The following PTP4A3 variants were observed in gnomAD, a reference collection of about 807,000 sequenced individuals.
PTP4A3 encodes protein tyrosine phosphatase 4A3, also known as protein tyrosine phosphatase type IVA 3.
PTP4A3 carries 9 observed loss-of-function variants against 15.2 expected under a neutral mutation model. The ratio of observed to expected loss-of-function variants is 0.59; its 90% CI spans 0.36 to 1.03. PTP4A3 has a LOEUF of 1.03. PTP4A3 is among the 50% of genes least tolerant of loss of function. The pLI is 0.02. For synonymous variants in PTP4A3, 95 were observed against 102.0 expected (o/e 0.93, Z 0.41); for missense variants, 234 against 252.1 (o/e 0.93, Z 0.49).
chr8:141,427,304 T>A (rs1359454103), intron 4 of PTP4A3, among the ~76,000 whole-genome samples: 1 of 152,110 alleles, frequency 6.6e-6, no homozygotes, highest in Non-Finnish European at 1.5e-5. Context: ...TCCTGACATC[T>A]TGTGTAGGAA....
At chr8:141,399,015 T>A in intron 1 of PTP4A3, among the ~76,000 whole-genome samples, 1 of 149,386 alleles carries the variant, frequency 6.7e-6, no homozygotes, top group East Asian at 2.0e-4. Context: ...CCGGCTGCTC[T>A]CCTGGCCCTG....
At chr8:141,407,237 G>T (rs1257458943) in intron 1 of PTP4A3, among the ~76,000 whole-genome samples, 1 of 152,196 alleles carries the variant, frequency 6.6e-6, no homozygotes, top group Non-Finnish European at 1.5e-5. Flanking sequence ...TCCCTCTCCT[G>T]CCCTCTCCAT....
Position 141,430,955 on chromosome 8 carries a change from C to G in PTP4A3, c.433C>G (p.Gln145Glu). Reference sequence around the variant, plus strand: ...GCGCCGCGGAGCCATCAACAGCAAGCAGCTCACCTACCTGGAGAAATACCG... The same window carrying G: ...GCGCCGCGGAGCCATCAACAGCAAGGAGCTCACCTACCTGGAGAAATACCG... Reference protein sequence around the residue: ...QKRRGAINSKQLTYLEKYRPK... With the variant: ...QKRRGAINSKELTYLEKYRPK... The change falls in exon 6 of 6, where the codon CAG (glutamine) becomes GAG (glutamate). Residue 145 changes from glutamine to glutamate, a missense_variant. Gln to Glu is a conservative substitution (Grantham distance 29, BLOSUM62 2). Transcript: ENST00000521578. The G allele has an allele frequency of 6.2e-7, 1 of 1,613,330 alleles. No homozygotes were observed.
At position 141,425,860 on chromosome 8, in the gene PTP4A3, T is replaced by TG. The variant is rs964385593; in HGVS notation, c.198+724dup. ...TGGAATGGTGGCAGCGCTGGCGGTT[T>TG]GGGGTCAGACAGGCCTTGGGCTGCG... On this transcript the variant is annotated intron_variant, in intron 3 of 5. Transcript: ENST00000521578. The surrounding 1 kb of genome is among the most constrained non-coding windows in gnomAD (Gnocchi z 4.2). Among the ~76,000 whole-genome samples, 3 of 152,320 alleles carry TG rather than the reference T, an allele frequency of 2.0e-5. No homozygotes were observed. Among genetic ancestry groups the TG allele is most frequent in the African/African-American group, 7.2e-5 (3 of 41,572 alleles).
chr8:141,409,198 G>A (rs1195386940), intron 1 of PTP4A3, among the ~76,000 whole-genome samples: 2 of 152,214 alleles, frequency 1.3e-5, no homozygotes, highest in Non-Finnish European at 2.9e-5. Flanking sequence ...GGGGAGGCCT[G>A]GGAGCTGCAG....
At chr8:141,416,868 C>T (rs1228370869) in intron 1 of PTP4A3, among the ~76,000 whole-genome samples, 2 of 151,946 alleles carry the variant, frequency 1.3e-5, no homozygotes, top group African/African-American at 4.8e-5. Context: ...GAGGGGGGGT[C>T]GTGCTCTCAG....
chr8:141,409,175 C>T (rs1832803307), intron 1 of PTP4A3, among the ~76,000 whole-genome samples: 1 of 152,222 alleles, frequency 6.6e-6, no homozygotes, highest in Admixed American at 6.5e-5. Context: ...CGAGTCCTCC[C>T]TGGGCCCTGC....
chr8:141,427,434 G>A (rs760345116), intron 4 of PTP4A3, among the ~76,000 whole-genome samples: 5 of 151,480 alleles, frequency 3.3e-5, no homozygotes, highest in Non-Finnish European at 7.3e-5. Flanking sequence ...ATGACCAGTG[G>A]GACACCCCCA....
intron 1 of PTP4A3, among the ~76,000 whole-genome samples, chr8:141,411,868 G>A (rs1586547299): frequency 6.6e-6 from 1 of 151,996 alleles, no homozygotes. Context: ...AGAAGAAAAT[G>A]CAGAGAAAGT....
At chr8:141,397,262 C>G (rs180701383) in intron 1 of PTP4A3, among the ~76,000 whole-genome samples, 2 of 152,196 alleles carry the variant, frequency 1.3e-5, no homozygotes, top group Admixed American at 1.3e-4. Flanking sequence ...AGGCTGCCTG[C>G]CCATTGTACA....
chr8:141,392,891 T>G (rs535251600), intron 1 of PTP4A3, among the ~76,000 whole-genome samples: 144 of 152,292 alleles, frequency 9.5e-4, no homozygotes, highest in African/African-American at 3.4e-3. Flanking sequence ...CTGGTCACAG[T>G]GTGTGCCCGG....
rs1832733422 is a variant in PTP4A3, at chr8:141,406,684, A to G, written c.-854+14600A>G. Among the ~76,000 whole-genome samples the G allele has an allele frequency of 6.6e-6, 1 of 152,154 alleles. No homozygotes were observed. The highest frequency in any genetic ancestry group is 6.5e-5 in the Admixed American group (1 of 15,280). On this transcript the variant is annotated intron_variant, in intron 1 of 5. Transcript: ENST00000521578. This position sits in a 1 kb window ranked among gnomAD's most constrained non-coding sequence, Gnocchi z 4.5. ...GAGGTGCAAGTGGATTCTGTGTGGC[A>G]CAGAAGATGGCGAGTGGTGACGGCT...
intron 1 of PTP4A3, among the ~76,000 whole-genome samples, chr8:141,399,825 C>T (rs906849124): frequency 2.0e-5 from 3 of 152,200 alleles, no homozygotes; most frequent in East Asian, 1.9e-4. Flanking sequence ...AGGCTGGGGA[C>T]GTGCAATGGC....
At position 141,421,806 on chromosome 8, in the gene PTP4A3, G is replaced by C. The variant is rs1343818661; in HGVS notation, c.-435G>C. On this transcript the variant is annotated 5_prime_UTR_variant, in exon 2 of 6. Coordinates refer to ENST00000521578, the MANE Select transcript of PTP4A3 (RefSeq NM_032611.3). ...TGTGGAGAGGGCGCCCCCGGTGTGG[G>C]GTCCAGCTCTGGACACTGCTTGGCG... The C allele has an allele frequency of 6.2e-6, 1 of 160,716 alleles. No homozygotes were observed. The highest frequency in any genetic ancestry group is 2.4e-5 in the African/African-American group (1 of 41,590). The allele number at this position is 160,716 out of a possible 1,614,324, so 10.0% of individuals were successfully genotyped here.
rs137985343 is a variant in PTP4A3 at position 141,412,107 on chromosome 8, G to A, written c.-853-9281G>A. Among the ~76,000 whole-genome samples the A allele has an allele frequency of 4.9e-3, 739 of 152,364 alleles. 3 individuals carry two copies. The highest frequency in any genetic ancestry group is 8.3e-3 in the Non-Finnish European group (564 of 68,036). The stretch of plus-strand genomic sequence containing the variant: ...TCCATGGGACTGGACACTGGGTTCA[G>A]GGAGGGGCGTCATGGGTATATGGGG... On this transcript the variant is annotated intron_variant, in intron 1 of 5. Coordinates refer to ENST00000521578, the MANE Select transcript of PTP4A3 (RefSeq NM_032611.3).
At position 141,406,878 on chromosome 8, in the gene PTP4A3, T is replaced by C. The variant is rs1832741904; in HGVS notation, c.-853-14510T>C. ...AAGTCTTTGCCCTGTGCCCACTGTA[T>C]GTGCAAGGTCATGCAGGTTATGCTT... On this transcript the variant is annotated intron_variant, in intron 1 of 5. Coordinates refer to ENST00000521578, the MANE Select transcript of PTP4A3 (RefSeq NM_032611.3). The surrounding 1 kb of genome is among the most constrained non-coding windows in gnomAD (Gnocchi z 4.5). Among the ~76,000 whole-genome samples the C allele has an allele frequency of 1.3e-5, 2 of 152,232 alleles. No homozygotes were observed. Among genetic ancestry groups the C allele is most frequent in the South Asian group, 4.1e-4 (2 of 4,838 alleles).
Position 141,406,290 on chromosome 8 carries a change from C to T in PTP4A3, c.-854+14206C>T, listed in dbSNP as rs1290216340. On this transcript the variant is annotated intron_variant, in intron 1 of 5. Transcript: ENST00000521578. The surrounding 1 kb of genome is among the most constrained non-coding windows in gnomAD (Gnocchi z 4.5). ...TGGGGATTCCGGGGACTTTCCATTTCCTCACCTTGCACTTGATTCTGTGAT... is the reference window on the plus strand; with the variant it reads ...TGGGGATTCCGGGGACTTTCCATTTTCTCACCTTGCACTTGATTCTGTGAT... 1.3e-5 allele frequency among the ~76,000 whole-genome samples: 2 copies of T among 152,166 alleles called. No individual in the cohort carries two copies. The highest frequency in any genetic ancestry group is 4.8e-5 in the African/African-American group (2 of 41,432).
At position 141,422,130 on chromosome 8, in the gene PTP4A3, C is replaced by T. The variant is rs1833359133; in HGVS notation, c.-111C>T. On this transcript the variant is annotated 5_prime_UTR_variant, in exon 2 of 6. Transcript: ENST00000521578. The stretch of plus-strand genomic sequence containing the variant: ...TTAAATCTCGTTTCTCTTGGACAAG[C>T]ACAGGGATCTCGTTCTCCTCATTTT... The T allele has an allele frequency of 9.9e-7, 1 of 1,008,962 alleles. No homozygotes were observed. The highest frequency in any genetic ancestry group is 1.6e-5 in the African/African-American group (1 of 62,630). 62.5% of individuals were successfully genotyped at this position (1,008,962 alleles called of 1,614,324 possible). A position where few individuals can be genotyped will look rare whatever the true frequency, so the allele number is the denominator to read the frequency against.
Position 141,427,041 on chromosome 8 carries a change from G to T in PTP4A3, c.301G>T (p.Ala101Ser). The T allele has an allele frequency of 6.2e-7, 1 of 1,600,498 alleles. No individual in the cohort carries two copies. Among genetic ancestry groups the T allele is most frequent in the Non-Finnish European group, 8.5e-7 (1 of 1,179,760 alleles). Residue 101 changes from alanine to serine, a missense_variant, in exon 4 of 6, where the codon GCT becomes TCT. Ala to Ser is a moderately conservative substitution (Grantham distance 99). Transcript: ENST00000521578. ...KFCEAPGSCV[A>S]VHCVAGLGRA... The stretch of plus-strand genomic sequence containing the variant: ...CTGTGAGGCCCCCGGCAGCTGCGTG[G>T]CTGTGCACTGCGTGGCGGGCCTGGG...
Sources: allele counts gnomAD v4.1 joint callset (sites outside exome capture counted in the v4.1 genomes callset), GRCh38; gene constraint gnomAD v4.1.1; non-coding constraint Gnocchi (gnomAD v3.1); transcripts MANE v1.5; gene names NCBI Gene and HGNC (gene_info 2026-07-23, HGNC 2026-07-21).